Variants in PABIR3 observed in about 807,000 individuals in gnomAD.
PABIR3 encodes PABIR family member 1.
PABIR3 carries 20 observed loss-of-function variants against 23.1 expected under a neutral mutation model. The observed-to-expected ratio is 0.86, with a 90% CI of 0.61 to 1.26. The LOEUF is 1.26. Among genes scored for constraint, PABIR3 ranks in the 50% most tolerant of loss-of-function variants. PABIR3 has a pLI of 0.00. For missense variants in PABIR3, 189 were observed against 195.4 expected (o/e 0.97, Z 0.20); for synonymous variants, 69 against 68.5 (o/e 1.01, Z -0.04).
intron 3 of PABIR3, among the ~76,000 whole-genome samples, chrX:134,817,393 C>T (rs1162384004): frequency 9.4e-6 from 1 of 106,762 alleles, no homozygotes; most frequent in African/African-American, 3.4e-5. Context: ...CCTCTCAAAG[C>T]CTTCCATACC....
At chrX:134,857,860 A>C (rs1039132601), downstream of PABIR3, among the ~76,000 whole-genome samples, 9 of 111,597 alleles carry the variant, frequency 8.1e-5, no homozygotes, top group African/African-American at 1.6e-4. Flanking sequence ...TCAACCAATA[A>C]CATTTATAAT....
chrX:134,848,311 A>G lies in PABIR3; in HGVS notation c.527+340A>G, dbSNP rs185583875. Among the ~76,000 whole-genome samples, 502 of 108,672 alleles carry G rather than the reference A, an allele frequency of 4.6e-3. 5 individuals carry two copies. Among genetic ancestry groups the G allele is most frequent in the African/African-American group, 0.016 (481 of 29,700 alleles). 94.4% of individuals were successfully genotyped at this position (108,672 alleles called of 115,157 possible). The stretch of plus-strand genomic sequence containing the variant: ...AGGCTGAGGCAGGAGAATCGTTTGA[A>G]CCCAGGAGGTGGAGGTTGTGGTGAG... On this transcript the variant is annotated intron_variant, in intron 8 of 10. Coordinates refer to ENST00000645433, the MANE Select transcript of PABIR3 (RefSeq NM_001388447.1).
intron 2 of PABIR3, chrX:134,810,314 T>C (rs961194385): frequency 6.6e-5 from 50 of 753,184 alleles, no homozygotes; most frequent in Non-Finnish European, 7.8e-5. Context: ...TGTTTTTTGC[T>C]TATATTAGAG....
chrX:134,829,368 T>A, intron 4 of PABIR3, 86 bp downstream of exon 4: 2 of 762,834 alleles, frequency 2.6e-6, no homozygotes, highest in Non-Finnish European at 2.0e-6. Context: ...TTTCAGTAAT[T>A]CTAAGTGAGG....
intron 3 of PABIR3, among the ~76,000 whole-genome samples, chrX:134,828,047 C>CTCTCTCTCTCTCTCTCTATATATATA (rs1466733144): frequency 2.0e-5 from 1 of 49,409 alleles, no homozygotes; most frequent in African/African-American, 8.2e-5. Context: ...CTCTCTCTCT[C>CTCTCTCTCTCTCTCTCTATATATATA]TATATATATA....
At chrX:134,821,096 A>G (rs1401272076) in intron 3 of PABIR3, among the ~76,000 whole-genome samples, 1 of 102,851 alleles carries the variant, frequency 9.7e-6, no homozygotes, top group Non-Finnish European at 2.0e-5. Context: ...GTGTATATAT[A>G]TATATATATG....
At chrX:134,848,721 G>A (rs1389685522) in intron 8 of PABIR3, among the ~76,000 whole-genome samples, 1 of 111,904 alleles carries the variant, frequency 8.9e-6, no homozygotes, top group East Asian at 2.8e-4. Context: ...CAGTAAAATG[G>A]CCGAGCATGG....
At chrX:134,823,255 A>G (rs2148216123) in intron 3 of PABIR3, among the ~76,000 whole-genome samples, 2 of 112,964 alleles carry the variant, frequency 1.8e-5, no homozygotes, top group Non-Finnish European at 3.7e-5. Flanking sequence ...TAAAAAATTA[A>G]AAAATAGAAA....
rs184088132 is a variant in PABIR3, at chrX:134,847,622, A to C, written c.438+147A>C. On this transcript the variant is annotated intron_variant, in intron 7 of 10. Transcript: ENST00000645433. ...AACTAACATTTTTCCCTTCTTTTTCATTTCTTCAAGTATTACTTACATGTA... is the reference window on the plus strand; with the variant it reads ...AACTAACATTTTTCCCTTCTTTTTCCTTTCTTCAAGTATTACTTACATGTA... 52 of 476,678 alleles carry C rather than the reference A, an allele frequency of 1.1e-4. 1 individual carries two copies. In the East Asian group the frequency reaches 1.8e-3, roughly 17 times the overall value. 39.3% of individuals were successfully genotyped at this position (476,678 alleles called of 1,213,427 possible).
chrX:134,818,934 CTTTTTTT>C (rs1216993828), intron 3 of PABIR3, among the ~76,000 whole-genome samples: 12 of 77,066 alleles, frequency 1.6e-4, no homozygotes, highest in South Asian at 1.3e-3. Flanking sequence ...TTTTTTCTTT[CTTTTTTT>C]TTTTTTTTTT....
At chrX:134,851,745 T>C (rs1603249367) in intron 9 of PABIR3, among the ~76,000 whole-genome samples, 1 of 111,838 alleles carries the variant, frequency 8.9e-6, no homozygotes, top group East Asian at 2.8e-4. Flanking sequence ...TGTAGTGACA[T>C]AAATGTAATC....
chrX:134,806,665 GA>G (rs1358269547), upstream of PABIR3, among the ~76,000 whole-genome samples: 4 of 107,853 alleles, frequency 3.7e-5, no homozygotes, highest in South Asian at 1.2e-3. Flanking sequence ...AAAAAAGAAA[GA>G]AAGAAACCAC....
intron 10 of PABIR3, 37 bp downstream of exon 10, chrX:134,852,933 C>A: frequency 1.0e-6 from 1 of 956,103 alleles, no homozygotes; most frequent in Non-Finnish European, 1.4e-6. Context: ...ATTCATTGAT[C>A]ATTTTTGCTT....
intron 3 of PABIR3, among the ~76,000 whole-genome samples, chrX:134,825,376 G>A: frequency 8.9e-6 from 1 of 111,922 alleles, no homozygotes; most frequent in East Asian, 2.8e-4. Context: ...CAGGTGCTGT[G>A]CTAAACACAT....
chrX:134,820,355 ATAT>A (rs913573998), intron 3 of PABIR3, among the ~76,000 whole-genome samples: 5 of 111,972 alleles, frequency 4.5e-5, no homozygotes, highest in Non-Finnish European at 9.4e-5. Context: ...AAAAATACAA[ATAT>A]TATTGAATGA....
intron 3 of PABIR3, among the ~76,000 whole-genome samples, chrX:134,825,171 T>C (rs1178006752): frequency 2.7e-5 from 3 of 112,050 alleles, no homozygotes; most frequent in Non-Finnish European, 5.6e-5. Context: ...TAAAAATAAA[T>C]AAATGAAAGT....
At chrX:134,797,164 C>A (rs2079903599) in intron 1 of PABIR3, 1 of 114,059 alleles carries the variant, frequency 8.8e-6, no homozygotes, top group Non-Finnish European at 1.9e-5. Context: ...CGGGAACCTC[C>A]GCTGGGCCAG....
chrX:134,824,527 C>T (rs191907259), intron 3 of PABIR3, among the ~76,000 whole-genome samples: 35 of 112,207 alleles, frequency 3.1e-4, no homozygotes, highest in Admixed American at 1.8e-3. Context: ...GGGCCAGGCC[C>T]GGTGGCTCAT....
At chrX:134,856,638 T>C (rs1313351514), downstream of PABIR3, among the ~76,000 whole-genome samples, 1 of 112,136 alleles carries the variant, frequency 8.9e-6, no homozygotes, top group East Asian at 2.8e-4. Context: ...ATTTCTAAAA[T>C]GATTTTCCAT....
Sources: allele counts gnomAD v4.1 joint callset (sites outside exome capture counted in the v4.1 genomes callset), GRCh38; gene constraint gnomAD v4.1.1; transcripts MANE v1.5; gene names NCBI Gene and HGNC (gene_info 2026-07-23, HGNC 2026-07-21).